The following VWC2L variants were observed in gnomAD, a reference collection of about 807,000 sequenced individuals.
VWC2L encodes von Willebrand factor C domain containing 2 like, also known as von Willebrand factor C domain-containing protein 2-like.
VWC2L carries 10 observed loss-of-function variants against 21.6 expected under a neutral mutation model. That is an observed-to-expected ratio of 0.46 (90% CI 0.29 to 0.78). VWC2L has a LOEUF of 0.78. VWC2L is among the 30% of genes least tolerant of loss of function. The pLI is 0.10. For missense variants in VWC2L, 209 were observed against 277.1 expected (o/e 0.75, Z 1.74); for synonymous variants, 96 against 94.3 (o/e 1.02, Z -0.10).
At chr2:214,464,309 A>G (rs750006574) in intron 3 of VWC2L, among the ~76,000 whole-genome samples, 2 of 152,028 alleles carry the variant, frequency 1.3e-5, no homozygotes, top group Admixed American at 6.6e-5. Context: ...AGGTTTTCCA[A>G]CTATTCAAAG....
At chr2:214,423,237 T>C (rs547790904) in intron 2 of VWC2L, among the ~76,000 whole-genome samples, 2 of 152,262 alleles carry the variant, frequency 1.3e-5, no homozygotes, top group East Asian at 3.9e-4. Context: ...TGGTTTCTTT[T>C]TTATAGTCTA....
chr2:214,425,712 A>G lies in VWC2L; in HGVS notation c.391-10917A>G, dbSNP rs188124061. Among the ~76,000 whole-genome samples, 271 of 152,304 alleles carry G rather than the reference A, an allele frequency of 1.8e-3. 1 individual carries two copies. The highest frequency in any genetic ancestry group is 6.1e-3 in the African/African-American group (254 of 41,574). ...ACACAATCCACAGTTTGATCCCATT[A>G]AATAAATATCCCTTTCATATAGAGA... On this transcript the variant is annotated intron_variant, in intron 2 of 3. Coordinates refer to ENST00000312504, the MANE Select transcript of VWC2L (RefSeq NM_001080500.4).
intron 3 of VWC2L, among the ~76,000 whole-genome samples, chr2:214,571,980 C>G (rs1690156228): frequency 6.6e-6 from 1 of 152,052 alleles, no homozygotes; most frequent in Non-Finnish European, 1.5e-5. Flanking sequence ...CAAGGTCTCA[C>G]TATGTTGCCC....
chr2:214,498,511 C>T (rs1688842417), intron 3 of VWC2L, among the ~76,000 whole-genome samples: 1 of 151,880 alleles, frequency 6.6e-6, no homozygotes, highest in Non-Finnish European at 1.5e-5. Flanking sequence ...TTCTCCTTGG[C>T]TATCTTAAAA....
intron 3 of VWC2L, among the ~76,000 whole-genome samples, chr2:214,522,504 T>G (rs957015183): frequency 2.6e-5 from 4 of 151,970 alleles, no homozygotes; most frequent in Non-Finnish European, 5.9e-5. Flanking sequence ...CAGGAGACAT[T>G]GGGGTACAGA....
chr2:214,524,850 G>C (rs561707787), intron 3 of VWC2L, among the ~76,000 whole-genome samples: 11 of 151,788 alleles, frequency 7.2e-5, no homozygotes, highest in African/African-American at 2.7e-4. Context: ...ATAGAATCTT[G>C]ACTCAAAGTT....
chr2:214,457,631 A>G (rs1037373203), intron 3 of VWC2L, among the ~76,000 whole-genome samples: 7 of 152,044 alleles, frequency 4.6e-5, no homozygotes, highest in African/African-American at 1.7e-4. Context: ...TATGTTTGCT[A>G]TATATGGGCT....
intron 3 of VWC2L, among the ~76,000 whole-genome samples, chr2:214,437,441 G>A (rs1383877467): frequency 6.6e-6 from 1 of 152,072 alleles, no homozygotes; most frequent in East Asian, 1.9e-4. Flanking sequence ...CTGCAGAGAA[G>A]ACAATGCAAT....
chr2:214,451,312 G>A (rs920657115), intron 3 of VWC2L, among the ~76,000 whole-genome samples: 2 of 150,486 alleles, frequency 1.3e-5, no homozygotes, highest in African/African-American at 2.4e-5. Context: ...TCGGTGTGGG[G>A]GGGGGGGGCA....
At chr2:214,451,874 C>T (rs753456094) in intron 3 of VWC2L, among the ~76,000 whole-genome samples, 1 of 152,016 alleles carries the variant, frequency 6.6e-6, no homozygotes, top group South Asian at 2.1e-4. Context: ...ATAATTCTAT[C>T]GAGATATAAT....
intron 2 of VWC2L, among the ~76,000 whole-genome samples, chr2:214,415,798 TG>T: frequency 6.6e-6 from 1 of 152,288 alleles, no homozygotes; most frequent in East Asian, 1.9e-4. Flanking sequence ...AAATTTTAAT[TG>T]TGACATTCAA....
At chr2:214,569,845 T>A (rs142249188) in intron 3 of VWC2L, among the ~76,000 whole-genome samples, 10 of 152,158 alleles carry the variant, frequency 6.6e-5, no homozygotes, top group African/African-American at 2.2e-4. Flanking sequence ...CTCCCCTTAA[T>A]GCAATCATGT....
At chr2:214,503,583 T>C (rs1688925727) in intron 3 of VWC2L, among the ~76,000 whole-genome samples, 2 of 152,174 alleles carry the variant, frequency 1.3e-5, no homozygotes, top group Admixed American at 6.5e-5. Flanking sequence ...GGATACTTTT[T>C]TGTAATCCAA....
In VWC2L at chr2:214,434,133, A is replaced by T. The variant is rs546325108; in HGVS notation, c.391-2496A>T. On this transcript the variant is annotated intron_variant, in intron 2 of 3. Transcript: ENST00000312504. Reference sequence around the variant, plus strand: ...TGTGATGTTTTTATTTTTCTCATTTATGTTTTTCATTATTCAAACCCTATT... The same window carrying T: ...TGTGATGTTTTTATTTTTCTCATTTTTGTTTTTCATTATTCAAACCCTATT... Among the ~76,000 whole-genome samples, 6 of 152,260 alleles carry T rather than the reference A, an allele frequency of 3.9e-5. No homozygotes were observed. The South Asian group carries it at 1.2e-3, about 32-fold the overall frequency.
intron 3 of VWC2L, among the ~76,000 whole-genome samples, chr2:214,454,741 T>C (rs1315810314): frequency 6.6e-6 from 1 of 150,992 alleles, no homozygotes; most frequent in African/African-American, 2.4e-5. Flanking sequence ...TAGCTGGGAC[T>C]ACAGGCGCCT....
At chr2:214,503,499 A>G (rs1211819629) in intron 3 of VWC2L, among the ~76,000 whole-genome samples, 1 of 152,178 alleles carries the variant, frequency 6.6e-6, no homozygotes, top group Non-Finnish European at 1.5e-5. Flanking sequence ...CTTAGAGCTC[A>G]TCAAAGTCAT....
At chr2:214,433,037 A>AG (rs1040384958) in intron 2 of VWC2L, among the ~76,000 whole-genome samples, 8 of 151,514 alleles carry the variant, frequency 5.3e-5, no homozygotes, top group African/African-American at 1.9e-4. Context: ...GAAAAAAAAA[A>AG]AAAAGTATGT....
intron 3 of VWC2L, among the ~76,000 whole-genome samples, chr2:214,490,899 C>G (rs1688736834): frequency 6.6e-6 from 1 of 152,156 alleles, no homozygotes; most frequent in Admixed American, 6.6e-5. Flanking sequence ...AAGAATGACA[C>G]TTGGAAACAC....
intron 3 of VWC2L, among the ~76,000 whole-genome samples, chr2:214,544,189 T>C (rs1028405944): frequency 6.6e-6 from 1 of 152,200 alleles, no homozygotes; most frequent in Non-Finnish European, 1.5e-5. Context: ...AGGGAGTGAC[T>C]CCAGGAATGG....
Sources: gnomAD v4.1 joint callset for allele counts (sites outside exome capture counted in the v4.1 genomes callset) on GRCh38, gnomAD v4.1.1 for gene constraint, MANE v1.5 for transcripts, NCBI Gene and HGNC (gene_info 2026-07-23, HGNC 2026-07-21) for gene names.